The following PPP1CC variants were observed in gnomAD, a reference collection of about 807,000 sequenced individuals.
PPP1CC encodes serine/threonine-protein phosphatase PP1-gamma catalytic subunit.
In PPP1CC, 16 loss-of-function variants were observed where a neutral mutation model predicts 38.4. The ratio of observed to expected loss-of-function variants is 0.42; its 90% CI spans 0.28 to 0.63. The LOEUF (loss-of-function observed/expected upper bound fraction) is 0.63, where lower values mean the gene tolerates loss of function less well. Among genes scored for constraint, PPP1CC ranks in the 30% least tolerant of loss-of-function variants. PPP1CC has a pLI of 0.25. For synonymous variants in PPP1CC, 158 were observed against 136.0 expected, an observed-to-expected ratio of 1.16 and a Z score of -1.13; for missense variants, 170 against 391.3, an observed-to-expected ratio of 0.43 and a Z score of 4.77.
chr12:110,723,491 CA>C (rs2069761991), intron 4 of PPP1CC, among the ~76,000 whole-genome samples: 1 of 152,134 alleles, frequency 6.6e-6, no homozygotes, highest in South Asian at 2.1e-4. Context: ...CTGAGCAAAG[CA>C]AAACAGCTTA....
chr12:110,718,118 T>C (rs1268533961), downstream of PPP1CC, among the ~76,000 whole-genome samples: 1 of 152,208 alleles, frequency 6.6e-6, no homozygotes, highest in East Asian at 1.9e-4. Flanking sequence ...CTGTGTTCCA[T>C]ATCCCATTTA....
chr12:110,741,009 T>C (rs1303400413), intron 1 of PPP1CC, among the ~76,000 whole-genome samples: 3 of 152,220 alleles, frequency 2.0e-5, no homozygotes, highest in Non-Finnish European at 2.9e-5. Flanking sequence ...AATCAGTTTC[T>C]GACCAACTGC....
At chr12:110,714,805 C>CAA (rs1164975036), downstream of PPP1CC, among the ~76,000 whole-genome samples, 763 of 21,982 alleles carry the variant, frequency 0.035, 104 homozygotes, top group African/African-American at 0.053. Flanking sequence ...GACTCTGTCT[C>CAA]AAAAAAAAAA....
chr12:110,739,829 T>C (rs548144832), intron 1 of PPP1CC, among the ~76,000 whole-genome samples: 7 of 152,244 alleles, frequency 4.6e-5, no homozygotes, highest in Non-Finnish European at 1.0e-4. Context: ...ATCTCACTTG[T>C]CTTCAATACA....
rs897592423 is a variant in PPP1CC, at chr12:110,720,545, T to A, written c.*531A>T. 2 of 240,258 alleles carry A rather than the reference T, an allele frequency of 8.3e-6. No individual in the cohort carries two copies. Among genetic ancestry groups the A allele is most frequent in the Non-Finnish European group, 1.6e-5 (2 of 123,330 alleles). 14.9% of individuals were successfully genotyped at this position (240,258 alleles called of 1,614,324 possible). A position where few individuals can be genotyped will look rare whatever the true frequency, so the allele number is the denominator to read the frequency against. On this transcript the variant is annotated 3_prime_UTR_variant, in exon 7 of 7. Coordinates refer to ENST00000335007, the MANE Select transcript of PPP1CC (RefSeq NM_002710.4). The stretch of plus-strand genomic sequence containing the variant: ...TGGCAAGGTTGAAAGTTACTCCTAA[T>A]GTTGATAGCTATAAAAACTAGTTTG...
At chr12:110,710,399 CAAAACAAAAATATTTTTGTTTTGA>C in the PPP1CC span, among the ~76,000 whole-genome samples, 19 of 149,650 alleles carry the variant, frequency 1.3e-4, no homozygotes, top group South Asian at 4.2e-4. Context: ...CAAAAATTTT[CAAAACAAAAATATTTTTGTTTTGA>C]AAAACAAAAA....
Position 110,722,697 on chromosome 12 carries a change from T to C in PPP1CC, c.524-2A>G. 6.3e-7 allele frequency: 1 copy of C among 1,584,600 alleles called. No individual in the cohort carries two copies. ...TAGATTGAAGATCTGGTGATAAACC[T>C]ATTCAATGAGGAAAAAAAAAAAATG... On this transcript the variant is annotated splice_acceptor_variant, in intron 4 of 6. Coordinates refer to ENST00000335007, the MANE Select transcript of PPP1CC (RefSeq NM_002710.4). LOFTEE classifies it high-confidence loss of function. The surrounding 1 kb of genome is among the most constrained non-coding windows in gnomAD (Gnocchi z 5.4).
intron 1 of PPP1CC, among the ~76,000 whole-genome samples, chr12:110,735,898 C>A (rs2069938428): frequency 6.6e-6 from 1 of 152,044 alleles, no homozygotes; most frequent in Non-Finnish European, 1.5e-5. Context: ...AACCCCGTCT[C>A]TACTAAAAAT....
At chr12:110,731,306 A>C (rs2069869546) in intron 2 of PPP1CC, among the ~76,000 whole-genome samples, 1 of 151,622 alleles carries the variant, frequency 6.6e-6, no homozygotes, top group Non-Finnish European at 1.5e-5. Context: ...TATCAATGCA[A>C]ATATGCTATA....
the PPP1CC span, among the ~76,000 whole-genome samples, chr12:110,713,840 C>T: frequency 6.6e-6 from 1 of 152,150 alleles, no homozygotes; most frequent in African/African-American, 2.4e-5. Flanking sequence ...GTGCCAGGCG[C>T]AGTGGCTCAC....
chr12:110,723,060 C>G (rs2069757927), intron 4 of PPP1CC, among the ~76,000 whole-genome samples: 1 of 152,196 alleles, frequency 6.6e-6, no homozygotes, highest in South Asian at 2.1e-4. Flanking sequence ...AATGACTGAG[C>G]TGAGAAGATA....
At chr12:110,708,857 A>G in the PPP1CC span, among the ~76,000 whole-genome samples, 1 of 151,102 alleles carries the variant, frequency 6.6e-6, no homozygotes, top group Non-Finnish European at 1.5e-5. Flanking sequence ...TCTCAAAAAA[A>G]AAAAAAAAAA....
intron 3 of PPP1CC, among the ~76,000 whole-genome samples, chr12:110,728,347 C>A (rs963663010): frequency 6.8e-6 from 1 of 148,060 alleles, no homozygotes; most frequent in South Asian, 2.1e-4. Flanking sequence ...TGCAGTGAGG[C>A]GAGATCGCGC....
At position 110,731,824 on chromosome 12, in the gene PPP1CC, T is replaced by G. The variant is rs746231710; in HGVS notation, c.133A>C (p.Ile45Leu). Residue 45 changes from isoleucine to leucine, a missense_variant, in exon 2 of 7, where the codon ATC (isoleucine) becomes CTC (leucine). This residue lies in a region of PPP1CC where 117 missense variants were observed against 344.4 expected (regional missense o/e 0.34). Coordinates refer to ENST00000335007, the MANE Select transcript of PPP1CC (RefSeq NM_002710.4). ...AGTAGGATAGGCTGACTGAGAAAGA[T>G]TTCACGAGACTTTAAGCACAGTCCT... ...IRGLCLKSRE[I>L]FLSQPILLEL... 4.9e-5 allele frequency: 79 copies of G among 1,613,576 alleles called. No individual in the cohort carries two copies. Among genetic ancestry groups the G allele is most frequent in the Non-Finnish European group, 6.4e-5 (75 of 1,179,644 alleles).
In PPP1CC at chr12:110,722,721, T is replaced by G; in HGVS notation, c.524-26A>C. On this transcript the variant is annotated intron_variant, in intron 4 of 6. Transcript: ENST00000335007. The surrounding 1 kb of genome is among the most constrained non-coding windows in gnomAD (Gnocchi z 5.4). Reference sequence around the variant, plus strand: ...CTATTCAATGAGGAAAAAAAAAAAATGAAGAAAGCAGAACTTTTAAAAGGA... The same window carrying G: ...CTATTCAATGAGGAAAAAAAAAAAAGGAAGAAAGCAGAACTTTTAAAAGGA... 6.8e-7 allele frequency: 1 copy of G among 1,475,778 alleles called. No individual in the cohort carries two copies. The highest frequency in any genetic ancestry group is 9.2e-7 in the Non-Finnish European group (1 of 1,082,342). The allele number at this position is 1,475,778 out of a possible 1,614,324, so 91.4% of individuals were successfully genotyped here.
At chr12:110,728,406 A>C (rs1292584029) in intron 3 of PPP1CC, among the ~76,000 whole-genome samples, 1 of 151,226 alleles carries the variant, frequency 6.6e-6, no homozygotes, top group African/African-American at 2.4e-5. Context: ...TCAAAAAAAA[A>C]AAAAAAAACA....
chr12:110,714,805 C>CA (rs1164975036), downstream of PPP1CC, among the ~76,000 whole-genome samples: 6,989 of 21,858 alleles, frequency 0.32, 1,905 homozygotes, highest in Non-Finnish European at 0.38. Context: ...GACTCTGTCT[C>CA]AAAAAAAAAA....
At chr12:110,732,726 AATC>A (rs2069891759) in intron 1 of PPP1CC, 1 of 152,232 alleles carries the variant, frequency 6.6e-6, no homozygotes, top group South Asian at 2.1e-4. Context: ...GGGAGAAAGA[AATC>A]ATTGCACAGC....
intron 1 of PPP1CC, among the ~76,000 whole-genome samples, chr12:110,733,631 C>A (rs1256591208): frequency 2.6e-5 from 4 of 152,128 alleles, no homozygotes; most frequent in Non-Finnish European, 5.9e-5. Flanking sequence ...TTTAAAAATT[C>A]TTCTTTTTTG....
Sources: gnomAD v4.1 joint callset for allele counts (sites outside exome capture counted in the v4.1 genomes callset) on GRCh38, gnomAD v4.1.1 for gene constraint, gnomAD v4.1.1 regional missense constraint, Gnocchi (gnomAD v3.1) non-coding constraint, MANE v1.5 for transcripts, NCBI Gene and HGNC (gene_info 2026-07-23, HGNC 2026-07-21) for gene names.